Variants in ANKHD1 observed in about 807,000 individuals in gnomAD.
The protein encoded by ANKHD1 is ankyrin repeat and KH domain-containing protein 1.
ANKHD1 carries 31 observed loss-of-function variants against 230.5 expected under a neutral mutation model. The ratio of observed to expected loss-of-function variants is 0.13; its 90% confidence interval spans 0.10 to 0.18. ANKHD1 has a LOEUF of 0.18. Ranked by LOEUF, ANKHD1 falls within the 10% of genes least tolerant of loss-of-function variation. The pLI, the probability that ANKHD1 is intolerant of heterozygous loss-of-function variation, is 1.00. For synonymous variants in ANKHD1, 1,074 were observed against 1,117.6 expected (o/e 0.96, Z 0.78); for missense variants, 2,256 against 3,071.3 (o/e 0.73, Z 6.27).
intron 7 of ANKHD1, among the ~76,000 whole-genome samples, chr5:140,451,976 T>C (rs1449274732): frequency 6.6e-6 from 1 of 152,116 alleles, no homozygotes; most frequent in Non-Finnish European, 1.5e-5. Context: ...GATGGCCAAA[T>C]AGGAACAGCT....
chr5:140,485,233 T>A lies in ANKHD1; in HGVS notation c.1983T>A (p.Pro661=). Residue 661 remains proline (P), a synonymous_variant, in exon 12 of 34, where the codon CCT becomes CCA. Transcript: ENST00000360839. The surrounding 1 kb of genome is among the most constrained non-coding windows in gnomAD (Gnocchi z 4.8). ...TTCTCTTGGCTCATGGGGCTGACCC[T>A]ACTCATCGACTCAAGGTAGTCTACT... is the stretch of plus-strand genomic sequence containing the variant. ...VELLLAHGAD[P]THRLKDGSTM... is the part of the protein sequence containing the mutation. 1 of 1,613,534 alleles carries A rather than the reference T, an allele frequency of 6.2e-7. No individual in the cohort carries two copies. Among genetic ancestry groups the A allele is most frequent in the Non-Finnish European group, 8.5e-7 (1 of 1,179,640 alleles).
intron 15 of ANKHD1, among the ~76,000 whole-genome samples, chr5:140,500,665 A>AAAAAAAG (rs748025095): frequency 0.012 from 1,431 of 115,308 alleles, 31 homozygotes; most frequent in African/African-American, 0.023. Context: ...AAAAAAAAAA[A>AAAAAAAG]AAAAGAAAAG....
At chr5:140,413,813 C>A (rs1581206810) in intron 1 of ANKHD1, among the ~76,000 whole-genome samples, 2 of 152,036 alleles carry the variant, frequency 1.3e-5, no homozygotes, top group East Asian at 3.9e-4. Flanking sequence ...TGGAGTCTTG[C>A]TCTGTCACCC....
intron 10 of ANKHD1, among the ~76,000 whole-genome samples, chr5:140,473,914 T>A (rs1750813115): frequency 6.6e-6 from 1 of 152,208 alleles, no homozygotes; most frequent in African/African-American, 2.4e-5. Context: ...CAGGTTCAGA[T>A]TCCATAGATC....
At chr5:140,504,549 G>A (rs1334513305) in intron 15 of ANKHD1, among the ~76,000 whole-genome samples, 1 of 152,126 alleles carries the variant, frequency 6.6e-6, no homozygotes, top group Non-Finnish European at 1.5e-5. Context: ...TGCCTCAGTG[G>A]TCTTTCCAAT....
chr5:140,505,436 A>G (rs1752497437), intron 17 of ANKHD1, among the ~76,000 whole-genome samples: 1 of 152,252 alleles, frequency 6.6e-6, no homozygotes, highest in African/African-American at 2.4e-5. Context: ...TTAGTGAAAT[A>G]GAGCAAGTTG....
chr5:140,510,291 C>T lies in ANKHD1; in HGVS notation c.4104+110C>T, dbSNP rs1752701864. 3 of 767,652 alleles carry T rather than the reference C, an allele frequency of 3.9e-6. No homozygotes were observed. In the South Asian group the frequency reaches 8.7e-5, roughly 22 times the overall value. The allele number at this position is 767,652 out of a possible 1,614,324, so 47.6% of individuals were successfully genotyped here. On this transcript the variant is annotated intron_variant, in intron 22 of 33. Transcript: ENST00000360839. ...ATTGAGTATATTTCCATAGAAAAATCACTGCTATCTTTCCATTCTTTTTTT... is the reference window on the plus strand; with the variant it reads ...ATTGAGTATATTTCCATAGAAAAATTACTGCTATCTTTCCATTCTTTTTTT...
chr5:140,515,163 A>AGCTGG (rs1561818497), intron 24 of ANKHD1, among the ~76,000 whole-genome samples: 2 of 151,898 alleles, frequency 1.3e-5, no homozygotes, highest in Non-Finnish European at 2.9e-5. Context: ...CTGTAGCCCC[A>AGCTGG]GCTACTTAGG....
intron 1 of ANKHD1, among the ~76,000 whole-genome samples, chr5:140,419,800 TTC>T (rs1240388816): frequency 4.0e-4 from 36 of 88,906 alleles, no homozygotes; most frequent in Middle Eastern, 9.8e-3. Context: ...CTTTCTTTCT[TTC>T]TTTCTTTCTT....
At chr5:140,503,471 G>A (rs758422835) in intron 15 of ANKHD1, among the ~76,000 whole-genome samples, 6 of 148,482 alleles carry the variant, frequency 4.0e-5, no homozygotes, top group East Asian at 3.9e-4. Context: ...GTTTCCCCCC[G>A]TGGTCAAACT....
intron 1 of ANKHD1, among the ~76,000 whole-genome samples, chr5:140,426,147 T>G (rs1464216594): frequency 6.6e-6 from 1 of 152,220 alleles, no homozygotes; most frequent in Non-Finnish European, 1.5e-5. Flanking sequence ...CTTCTTTTTT[T>G]GGGACAGAGT....
chr5:140,428,151 A>T (rs1772694673), intron 1 of ANKHD1, among the ~76,000 whole-genome samples: 1 of 146,168 alleles, frequency 6.8e-6, no homozygotes, highest in Non-Finnish European at 1.5e-5. Context: ...CACTTTCCAG[A>T]CTGGGCAGCC....
At position 140,525,931 on chromosome 5, in the gene ANKHD1, TTC is replaced by T. The variant is rs1359934812; in HGVS notation, c.4493-63_4493-62del. The T allele has an allele frequency of 1.3e-5, 20 of 1,492,802 alleles. No homozygotes were observed. In the South Asian group the frequency reaches 1.6e-4, roughly 12 times the overall value. The allele number at this position is 1,492,802 out of a possible 1,614,324, so 92.5% of individuals were successfully genotyped here. ...GAATTATTATGAATTATCAAATATA[TTC>T]TGTCAGAATTTGTTTTGAGATCTGT... On this transcript the variant is annotated intron_variant, in intron 25 of 33. Transcript: ENST00000360839.
chr5:140,477,726 C>A (rs1751045801), intron 10 of ANKHD1, among the ~76,000 whole-genome samples: 1 of 152,206 alleles, frequency 6.6e-6, no homozygotes, highest in Non-Finnish European at 1.5e-5. Flanking sequence ...ATTCTCCTGC[C>A]TCAGCCTCCC....
intron 30 of ANKHD1, among the ~76,000 whole-genome samples, chr5:140,536,851 C>T (rs984508014): frequency 9.2e-5 from 14 of 151,904 alleles, no homozygotes; most frequent in Admixed American, 3.3e-4. Flanking sequence ...TGGAGAAACC[C>T]GTCTCTACTA....
chr5:140,441,267 G>T, intron 5 of ANKHD1, 125 bp downstream of exon 5: 3 of 1,233,842 alleles, frequency 2.4e-6, no homozygotes, highest in South Asian at 4.3e-5. Context: ...CCCTTGTGTA[G>T]AATCTTTGAG....
At chr5:140,411,491 G>C (rs537806482) in intron 1 of ANKHD1, among the ~76,000 whole-genome samples, 16 of 150,384 alleles carry the variant, frequency 1.1e-4, no homozygotes, top group Non-Finnish European at 1.6e-4. Context: ...TGATCTTGTT[G>C]GAAAAGTTTT....
intron 14 of ANKHD1, among the ~76,000 whole-genome samples, chr5:140,493,211 G>A (rs1751884629): frequency 6.6e-6 from 1 of 152,048 alleles, no homozygotes; most frequent in Admixed American, 6.6e-5. Context: ...ACAAGCATGC[G>A]CCACCACACC....
intron 1 of ANKHD1, among the ~76,000 whole-genome samples, chr5:140,413,747 T>G (rs747433360): frequency 6.6e-6 from 1 of 152,124 alleles, no homozygotes; most frequent in Non-Finnish European, 1.5e-5. Context: ...ACACTCCCTA[T>G]ATTTTATTTA....
Sources: gnomAD v4.1 joint callset for allele counts (sites outside exome capture counted in the v4.1 genomes callset) on GRCh38, gnomAD v4.1.1 for gene constraint, Gnocchi (gnomAD v3.1) non-coding constraint, MANE v1.5 for transcripts, NCBI Gene and HGNC (gene_info 2026-07-23, HGNC 2026-07-21) for gene names.